EEIG1: variants seen among roughly 807,000 people sequenced by gnomAD.
The protein encoded by EEIG1 is early estrogen-induced gene 1 protein.
the EEIG1 span, among the ~76,000 whole-genome samples, chr9:127,951,814 CAA>C: frequency 9.2e-5 from 10 of 109,238 alleles, no homozygotes; most frequent in Non-Finnish European, 1.6e-4. Flanking sequence ...GACTCCATCT[CAA>C]AAAAAAAAAA....
chr9:127,969,816 C>T, the EEIG1 span, among the ~76,000 whole-genome samples: 2 of 152,160 alleles, frequency 1.3e-5, no homozygotes, highest in Non-Finnish European at 2.9e-5. Flanking sequence ...CCAAGGAAAA[C>T]ACCCAGGGAT....
chr9:127,943,196 TG>T, the EEIG1 span: 1 of 1,613,964 alleles, frequency 6.2e-7, no homozygotes, highest in Non-Finnish European at 8.5e-7. Flanking sequence ...TGCTCCTCAA[TG>T]GCTTTCAATC....
the EEIG1 span, among the ~76,000 whole-genome samples, chr9:127,962,945 T>C: frequency 1.3e-5 from 2 of 152,204 alleles, no homozygotes; most frequent in African/African-American, 4.8e-5. Flanking sequence ...GGCCCAGGTC[T>C]GGGCTACAGA....
the EEIG1 span, among the ~76,000 whole-genome samples, chr9:127,975,389 A>T: frequency 6.6e-6 from 1 of 152,208 alleles, no homozygotes; most frequent in African/African-American, 2.4e-5. Context: ...AAGAAAGGCC[A>T]GAAGAGGGGC....
the EEIG1 span, among the ~76,000 whole-genome samples, chr9:127,980,885 C>T: frequency 6.7e-6 from 1 of 148,734 alleles, no homozygotes; most frequent in African/African-American, 2.4e-5. Context: ...TTCGGCCCGG[C>T]CGGTGGCGCC....
chr9:127,955,431 G>A, the EEIG1 span, among the ~76,000 whole-genome samples: 468 of 152,376 alleles, frequency 3.1e-3, 11 homozygotes, highest in East Asian at 0.031. Flanking sequence ...GCTCTCAGTC[G>A]CCACTTTGGC....
At chr9:127,974,030 C>T in the EEIG1 span, among the ~76,000 whole-genome samples, 1 of 152,192 alleles carries the variant, frequency 6.6e-6, no homozygotes, top group Non-Finnish European at 1.5e-5. Flanking sequence ...ATGACTGGCG[C>T]ACTGCAGGGG....
At chr9:127,945,425 G>T in the EEIG1 span, 2 of 1,572,036 alleles carry the variant, frequency 1.3e-6, no homozygotes. This position sits in a 1 kb window ranked among gnomAD's most constrained non-coding sequence, Gnocchi z 6.5. Flanking sequence ...TTCTCCGGGG[G>T]CCGGTGCTCC....
At chr9:127,950,458 T>C in the EEIG1 span, 1 of 1,613,976 alleles carries the variant, frequency 6.2e-7, no homozygotes, top group Non-Finnish European at 8.5e-7. Flanking sequence ...GTGTTCTTCG[T>C]GTCATATCCC....
the EEIG1 span, chr9:127,942,869 G>C: frequency 2.4e-6 from 1 of 423,970 alleles, no homozygotes; most frequent in South Asian, 2.4e-5. Context: ...AGAGGGCTGG[G>C]TCAGTCTCCA....
chr9:127,956,136 A>C, the EEIG1 span, among the ~76,000 whole-genome samples: 1 of 152,164 alleles, frequency 6.6e-6, no homozygotes, highest in Non-Finnish European at 1.5e-5. Context: ...TGGGGGCCCT[A>C]GGCTGGGGGC....
At chr9:127,959,715 C>T in the EEIG1 span, among the ~76,000 whole-genome samples, 328 of 152,326 alleles carry the variant, frequency 2.2e-3, 4 homozygotes, top group African/African-American at 7.2e-3. Context: ...GTCCTCGCTT[C>T]CCCTTCGCCT....
the EEIG1 span, chr9:127,950,544 G>T: frequency 1.2e-6 from 2 of 1,613,430 alleles, no homozygotes; most frequent in African/African-American, 2.7e-5. Context: ...GCCCAGCTAG[G>T]AGGTGAGAGG....
the EEIG1 span, among the ~76,000 whole-genome samples, chr9:127,971,354 C>A: frequency 6.6e-6 from 1 of 152,146 alleles, no homozygotes; most frequent in Non-Finnish European, 1.5e-5. Flanking sequence ...CAGCCCCCTC[C>A]TCCTTTCCAT....
the EEIG1 span, among the ~76,000 whole-genome samples, chr9:127,950,926 G>A: frequency 2.6e-5 from 4 of 152,354 alleles, no homozygotes; most frequent in South Asian, 8.3e-4. Flanking sequence ...AGGCCTGTGG[G>A]AAGTGGGTGC....
chr9:127,966,287 A>G, the EEIG1 span, among the ~76,000 whole-genome samples: 23 of 152,170 alleles, frequency 1.5e-4, no homozygotes, highest in African/African-American at 4.8e-4. Flanking sequence ...CCGGTCAAGC[A>G]GCAACCTTGA....
chr9:127,963,090 G>A, the EEIG1 span, among the ~76,000 whole-genome samples: 3 of 152,244 alleles, frequency 2.0e-5, no homozygotes, highest in Non-Finnish European at 4.4e-5. Flanking sequence ...AGGCAGGCAG[G>A]GAGCTCAGAG....
chr9:127,960,893 G>A, the EEIG1 span, among the ~76,000 whole-genome samples: 29 of 152,022 alleles, frequency 1.9e-4, no homozygotes, highest in African/African-American at 7.0e-4. Flanking sequence ...ACAGGGCTCT[G>A]AACAATCACC....
At chr9:127,974,943 A>G in the EEIG1 span, among the ~76,000 whole-genome samples, 3 of 152,182 alleles carry the variant, frequency 2.0e-5, no homozygotes, top group Non-Finnish European at 4.4e-5. Context: ...AATCCCATCG[A>G]ACCTCCACGG....
Sources: allele counts gnomAD v4.1 joint callset (sites outside exome capture counted in the v4.1 genomes callset), GRCh38; gene constraint gnomAD v4.1.1; non-coding constraint Gnocchi (gnomAD v3.1); transcripts MANE v1.5; gene names NCBI Gene and HGNC (gene_info 2026-07-23, HGNC 2026-07-21).